Variants in TRAPPC8 observed in about 807,000 individuals in gnomAD.
TRAPPC8 encodes general sporulation gene 1 homolog.
A neutral mutation model predicts 174.3 loss-of-function variants in TRAPPC8; 54 were observed. That is an observed-to-expected ratio of 0.31 (90% CI 0.25 to 0.39). The LOEUF (loss-of-function observed/expected upper bound fraction) is 0.39, where lower values mean the gene tolerates loss of function less well. Among genes scored for constraint, TRAPPC8 ranks in the 10% least tolerant of loss-of-function variants. TRAPPC8 has a pLI of 1.00. For missense variants in TRAPPC8, 1,531 were observed against 1,699.1 expected (o/e 0.90, Z 1.74); for synonymous variants, 630 against 579.9 (o/e 1.09, Z -1.24).
In TRAPPC8 at chr18:31,907,398, A is replaced by G. The variant is rs921588034; in HGVS notation, c.1389+62T>C. The G allele has an allele frequency of 4.8e-6, 7 of 1,473,554 alleles. No homozygotes were observed. The African/African-American group carries it at 5.7e-5, about 12-fold the overall frequency. 91.3% of individuals were successfully genotyped at this position (1,473,554 alleles called of 1,614,324 possible). On this transcript the variant is annotated intron_variant, in intron 9 of 28. Transcript: ENST00000283351. ...CCTAAGGATTCTGTTTGCCACCAAGAGAAATTTCTAAATAATTTATGGTAG... is the reference window on the plus strand; with the variant it reads ...CCTAAGGATTCTGTTTGCCACCAAGGGAAATTTCTAAATAATTTATGGTAG...
At chr18:31,862,340 T>C (rs1206509629) in intron 19 of TRAPPC8, among the ~76,000 whole-genome samples, 2 of 148,708 alleles carry the variant, frequency 1.3e-5, no homozygotes, top group Non-Finnish European at 3.0e-5. Context: ...GCTTGCCAGA[T>C]TAAAAAAAAA....
intron 21 of TRAPPC8, among the ~76,000 whole-genome samples, chr18:31,854,391 T>G (rs1403735655): frequency 6.6e-6 from 1 of 152,142 alleles, no homozygotes. Flanking sequence ...ATGAAATTAT[T>G]TAAGTAGCAT....
At chr18:31,913,242 T>C in intron 5 of TRAPPC8, 127 bp downstream of exon 5, 3 of 993,926 alleles carry the variant, frequency 3.0e-6, no homozygotes, top group Non-Finnish European at 4.2e-6. Flanking sequence ...ACCTAAGAGC[T>C]CACCTCTGAC....
chr18:31,836,875 C>T (rs1221209993), intron 27 of TRAPPC8, among the ~76,000 whole-genome samples: 1 of 151,570 alleles, frequency 6.6e-6, no homozygotes, highest in Non-Finnish European at 1.5e-5. Flanking sequence ...CATTCTCCTG[C>T]CTCAGCCTCC....
intron 2 of TRAPPC8, among the ~76,000 whole-genome samples, chr18:31,927,153 G>C (rs2037651822): frequency 6.6e-6 from 1 of 152,012 alleles, no homozygotes; most frequent in Non-Finnish European, 1.5e-5. Flanking sequence ...TGTCACCTAG[G>C]TTGGAGTGCA....
chr18:31,867,004 AT>A (rs2034618625), intron 17 of TRAPPC8, 29 bp from the exon 18 acceptor site: 5 of 1,609,424 alleles, frequency 3.1e-6, no homozygotes, highest in Non-Finnish European at 4.2e-6. Flanking sequence ...CAGTCTTATT[AT>A]GTTTTCATAA....
intron 1 of TRAPPC8, among the ~76,000 whole-genome samples, chr18:31,933,858 T>C (rs1161821685): frequency 1.3e-5 from 2 of 152,168 alleles, no homozygotes; most frequent in South Asian, 4.1e-4. Flanking sequence ...TACAAATGTG[T>C]ATTTATATTG....
At chr18:31,888,431 G>A (rs756372928) in intron 12 of TRAPPC8, among the ~76,000 whole-genome samples, 8 of 152,194 alleles carry the variant, frequency 5.3e-5, no homozygotes, top group African/African-American at 9.7e-5. Context: ...TACTCGGGAG[G>A]CTGAGGCAGG....
intron 12 of TRAPPC8, among the ~76,000 whole-genome samples, chr18:31,876,909 AG>A (rs2145241888): frequency 6.6e-6 from 1 of 152,300 alleles, no homozygotes; most frequent in African/African-American, 2.4e-5. Context: ...GAACTGAGAC[AG>A]GAGATACCAC....
intron 19 of TRAPPC8, among the ~76,000 whole-genome samples, chr18:31,862,890 C>A (rs746020384): frequency 1.3e-5 from 2 of 151,878 alleles, no homozygotes; most frequent in African/African-American, 4.8e-5. Context: ...CTCGTCTCTA[C>A]TAAAAATACA....
At chr18:31,877,068 T>C (rs1383948120) in intron 12 of TRAPPC8, among the ~76,000 whole-genome samples, 1 of 152,138 alleles carries the variant, frequency 6.6e-6, no homozygotes, top group African/African-American at 2.4e-5. Context: ...ACCGTTAATT[T>C]AGGCTGCCCC....
intron 5 of TRAPPC8, among the ~76,000 whole-genome samples, chr18:31,912,199 G>A (rs942614045): frequency 2.0e-5 from 3 of 152,086 alleles, no homozygotes; most frequent in Non-Finnish European, 4.4e-5. Flanking sequence ...TGTTAAAAAG[G>A]TACGAAAGAG....
At chr18:31,879,016 A>G (rs887694071) in intron 12 of TRAPPC8, among the ~76,000 whole-genome samples, 1 of 152,228 alleles carries the variant, frequency 6.6e-6, no homozygotes. Context: ...AAGCAGCCAT[A>G]CAGTAATACT....
intron 17 of TRAPPC8, 120 bp from the exon 18 acceptor site, chr18:31,867,095 A>G: frequency 1.9e-6 from 2 of 1,045,346 alleles, no homozygotes; most frequent in South Asian, 1.8e-5. Context: ...AATGCCAATT[A>G]ATTTATGAAA....
chr18:31,938,262 AG>A (rs1483108460), intron 1 of TRAPPC8, among the ~76,000 whole-genome samples: 5 of 152,066 alleles, frequency 3.3e-5, no homozygotes, highest in African/African-American at 4.8e-5. Context: ...TTTGAGTATT[AG>A]GATCTCAAAA....
chr18:31,901,508 T>C lies in TRAPPC8; in HGVS notation c.1390-483A>G, dbSNP rs77948479. 9.1e-3 allele frequency among the ~76,000 whole-genome samples: 1,387 copies of C among 152,304 alleles called. 26 individuals carry two copies. Among genetic ancestry groups the C allele is most frequent in the African/African-American group, 0.031 (1,292 of 41,552 alleles). ...GAACACCCTCTAATGACCACTGTTT[T>C]GGGATGTGTTTTTCCTGAAAGAACA... On this transcript the variant is annotated intron_variant, in intron 9 of 28. Transcript: ENST00000283351.
At position 31,897,816 on chromosome 18, in the gene TRAPPC8, A is replaced by T. The variant is rs200284057; in HGVS notation, c.1566T>A (p.Ala522=). The change falls in exon 11 of 29, where the codon GCT becomes GCA. Residue 522 remains alanine, a synonymous_variant. Transcript: ENST00000283351. The part of the protein sequence containing the change: ...LLKSQSKYSE[A]AALLIRLTSE... Reference sequence around the variant, plus strand: ...TGGTCAACCGTATTAGGAGAGCTGCAGCCTCTGAATATTTGCTTTGGCTTT... The same window carrying T: ...TGGTCAACCGTATTAGGAGAGCTGCTGCCTCTGAATATTTGCTTTGGCTTT... The T allele has an allele frequency of 6.2e-6, 10 of 1,611,460 alleles. No homozygotes were observed. Among genetic ancestry groups the T allele is most frequent in the Non-Finnish European group, 8.5e-6 (10 of 1,178,348 alleles).
intron 2 of TRAPPC8, among the ~76,000 whole-genome samples, chr18:31,931,072 G>A (rs1568151043): frequency 6.6e-6 from 1 of 152,124 alleles, no homozygotes; most frequent in Non-Finnish European, 1.5e-5. Flanking sequence ...TATTACTTAT[G>A]TCACAAAAGA....
intron 2 of TRAPPC8, among the ~76,000 whole-genome samples, chr18:31,919,536 AT>A (rs1226463668): frequency 1.7e-4 from 2 of 11,902 alleles, no homozygotes; most frequent in Non-Finnish European, 1.7e-4. Context: ...CAGTCTCAAA[AT>A]AAATAAATAA....
Sources: gnomAD v4.1 joint callset for allele counts (sites outside exome capture counted in the v4.1 genomes callset) on GRCh38, gnomAD v4.1.1 for gene constraint, MANE v1.5 for transcripts, NCBI Gene and HGNC (gene_info 2026-07-23, HGNC 2026-07-21) for gene names.